The following DMD variants were observed in gnomAD, a reference collection of about 807,000 sequenced individuals.
DMD encodes dystrophin, also known as mutant dystrophin.
A neutral mutation model predicts 330.1 loss-of-function variants in DMD; 63 were observed. That is an observed-to-expected ratio of 0.19 (90% CI 0.16 to 0.24). DMD has a LOEUF of 0.24. DMD is among the 10% of genes least tolerant of loss of function. The pLI is 1.00. For missense variants in DMD, 3,344 were observed against 2,684.1 expected (o/e 1.25, Z -5.43); for synonymous variants, 1,223 against 959.8 (o/e 1.27, Z -5.07).
chrX:33,092,321 T>A (rs764036759), intron 1 of DMD, among the ~76,000 whole-genome samples: 1 of 112,316 alleles, frequency 8.9e-6, no homozygotes, highest in South Asian at 3.7e-4. Context: ...CTGATCATTA[T>A]GTATCAATAA....
At chrX:33,264,635 G>T (rs1380794448) in intron 1 of DMD, among the ~76,000 whole-genome samples, 4 of 110,739 alleles carry the variant, frequency 3.6e-5, no homozygotes, top group African/African-American at 1.3e-4. Flanking sequence ...AAACTGAGGG[G>T]TCTCCACTCT....
intron 1 of DMD, among the ~76,000 whole-genome samples, chrX:33,238,707 T>C (rs913860574): frequency 4.5e-5 from 5 of 111,855 alleles, no homozygotes; most frequent in African/African-American, 1.6e-4. Context: ...TGTCCAAAGC[T>C]ATAACCGAGA....
At chrX:31,132,348 G>C (rs1033319504) in intron 77 of DMD, among the ~76,000 whole-genome samples, 3 of 112,353 alleles carry the variant, frequency 2.7e-5, no homozygotes, top group African/African-American at 9.7e-5. Flanking sequence ...GACACAGGGA[G>C]ATGGTGCAAA....
chrX:32,775,645 C>A (rs1280880978), intron 7 of DMD, among the ~76,000 whole-genome samples: 1 of 113,085 alleles, frequency 8.8e-6, no homozygotes, highest in African/African-American at 3.2e-5. Flanking sequence ...GAAGCCAGGT[C>A]CCAAGGCTGC....
chrX:32,480,374 ATGTGTGTG>A (rs113099165), intron 21 of DMD, among the ~76,000 whole-genome samples: 10 of 102,944 alleles, frequency 9.7e-5, no homozygotes, highest in South Asian at 4.2e-4. Context: ...AATTTTATAA[ATGTGTGTG>A]TGTGTGTGTG....
intron 1 of DMD, among the ~76,000 whole-genome samples, chrX:33,105,282 G>A (rs1419174828): frequency 9.0e-6 from 1 of 111,565 alleles, no homozygotes; most frequent in East Asian, 2.8e-4. Flanking sequence ...TTAGCTCAAG[G>A]AGGATTAAAG....
At chrX:32,568,911 C>T (rs1398022487) in intron 15 of DMD, among the ~76,000 whole-genome samples, 1 of 112,014 alleles carries the variant, frequency 8.9e-6, no homozygotes, top group African/African-American at 3.2e-5. Context: ...TATTAAATAA[C>T]TATGATTTGT....
chrX:31,453,483 T>C (rs758532654), intron 59 of DMD, among the ~76,000 whole-genome samples: 2 of 109,913 alleles, frequency 1.8e-5, no homozygotes, highest in African/African-American at 6.6e-5. Flanking sequence ...TGAATAGACA[T>C]AGAGTTTCAG....
intron 44 of DMD, among the ~76,000 whole-genome samples, chrX:32,074,182 T>C (rs1054087391): frequency 2.7e-5 from 3 of 111,725 alleles, no homozygotes; most frequent in African/African-American, 6.5e-5. Flanking sequence ...TATGATACTA[T>C]TTATCTGTTC....
intron 26 of DMD, among the ~76,000 whole-genome samples, chrX:32,449,093 TC>T (rs199806959): frequency 0.012 from 1,321 of 110,618 alleles, 5 homozygotes; most frequent in Non-Finnish European, 0.019. Context: ...CATAGAAAGG[TC>T]CCCTTGATGC....
chrX:32,249,762 G>A (rs952954321), intron 43 of DMD, among the ~76,000 whole-genome samples: 1 of 111,354 alleles, frequency 9.0e-6, no homozygotes, highest in African/African-American at 3.3e-5. Flanking sequence ...TATACAAGTG[G>A]CTTTTATTTC....
chrX:32,102,485 A>T (rs2096544713), intron 44 of DMD, among the ~76,000 whole-genome samples: 1 of 111,651 alleles, frequency 9.0e-6, no homozygotes, highest in African/African-American at 3.2e-5. Context: ...TTATTTAAAA[A>T]GTCACATATT....
intron 7 of DMD, among the ~76,000 whole-genome samples, chrX:32,716,575 T>G (rs1373011251): frequency 9.1e-6 from 1 of 109,353 alleles, no homozygotes; most frequent in African/African-American, 3.3e-5. Context: ...TACCGAGAGG[T>G]AGGGCACTGC....
At chrX:32,519,271 A>G (rs2046192004) in intron 17 of DMD, among the ~76,000 whole-genome samples, 1 of 108,691 alleles carries the variant, frequency 9.2e-6, no homozygotes, top group African/African-American at 3.3e-5. Flanking sequence ...TCTAAAAAAA[A>G]AAAAAAAAAA....
chrX:32,352,986 C>T (rs1434023366), intron 37 of DMD, among the ~76,000 whole-genome samples: 2 of 111,038 alleles, frequency 1.8e-5, no homozygotes, highest in Non-Finnish European at 3.8e-5. Context: ...AAAACACTGC[C>T]TTTTATTTTA....
intron 9 of DMD, among the ~76,000 whole-genome samples, chrX:32,670,574 T>C (rs1268860632): frequency 8.9e-6 from 1 of 111,829 alleles, no homozygotes; most frequent in Non-Finnish European, 1.9e-5. Flanking sequence ...TCCTGCCATA[T>C]TGTAAGTGTA....
At chrX:32,922,761 T>A (rs1437166753) in intron 2 of DMD, among the ~76,000 whole-genome samples, 1 of 111,778 alleles carries the variant, frequency 8.9e-6, no homozygotes, top group Admixed American at 9.4e-5. Flanking sequence ...TGGGGACCCC[T>A]GCTTTGGGGA....
intron 11 of DMD, among the ~76,000 whole-genome samples, chrX:32,634,500 C>A (rs1317413578): frequency 5.3e-5 from 6 of 112,188 alleles, no homozygotes; most frequent in Middle Eastern, 4.2e-3. Flanking sequence ...CAAGTACTGC[C>A]TGGCTACAGC....
chrX:33,214,630 C>A (rs181920941), upstream of DMD, among the ~76,000 whole-genome samples: 30 of 111,576 alleles, frequency 2.7e-4, 1 homozygote, highest in East Asian at 3.1e-3. Context: ...AAAACCCGTT[C>A]TTTTCCTGTT....
Sources: allele counts gnomAD v4.1 joint callset (sites outside exome capture counted in the v4.1 genomes callset), GRCh38; gene constraint gnomAD v4.1.1; transcripts MANE v1.5; gene names NCBI Gene and HGNC (gene_info 2026-07-23, HGNC 2026-07-21).